The following GALNT15 variants were observed in gnomAD, a reference collection of about 807,000 sequenced individuals.
GALNT15 encodes the protein UDP-GalNAc transferase T15.
Under a neutral mutation model 66.8 loss-of-function variants are expected in GALNT15, and 67 were observed. The ratio of observed to expected loss-of-function variants is 1.00; its 90% CI spans 0.82 to 1.23. The LOEUF is 1.23. Among genes scored for constraint, GALNT15 ranks in the 50% most tolerant of loss-of-function variants. The probability of loss-of-function intolerance (pLI) is 0.00; values close to 1 mark genes in which losing one functional copy is unlikely to be tolerated. For missense variants in GALNT15, 827 were observed against 804.3 expected, an observed-to-expected ratio of 1.03 and a Z score of -0.34; for synonymous variants, 313 against 311.5, an observed-to-expected ratio of 1.00 and a Z score of -0.05.
intron 3 of GALNT15, among the ~76,000 whole-genome samples, chr3:16,206,501 C>T (rs535814876): frequency 1.3e-3 from 196 of 151,602 alleles, no homozygotes; most frequent in African/African-American, 4.5e-3. Context: ...GGTGAAAACC[C>T]GTGTATACTA....
downstream of GALNT15, chr3:16,231,898 T>C: frequency 6.5e-7 from 1 of 1,535,950 alleles, no homozygotes; most frequent in South Asian, 1.2e-5. This position sits in a 1 kb window ranked among gnomAD's most constrained non-coding sequence, Gnocchi z 4.1. Context: ...CATTCAGAGA[T>C]CCTCAAGAAG....
chr3:16,219,493 G>A lies in GALNT15; in HGVS notation c.1483G>A (p.Glu495Lys), dbSNP rs1357763831. Reference sequence around the variant, plus strand: ...CTGGTTTCTGGCTAATGTCTACCCTGAGCTGTACCCATCTGAACCCAGGCC... The same window carrying A: ...CTGGTTTCTGGCTAATGTCTACCCTAAGCTGTACCCATCTGAACCCAGGCC... ...FHWFLANVYP[E>K]LYPSEPRPSF... is the part of the protein sequence containing the mutation. Residue 495 changes from glutamate (E) to lysine (K), a missense_variant, in exon 7 of 10, where the codon GAG becomes AAG. By Grantham distance (56) the Glu-to-Lys change is moderately conservative (BLOSUM62 1). Transcript: ENST00000339732. The surrounding 1 kb of genome is among the most constrained non-coding windows in gnomAD (Gnocchi z 4.3). 2 of 1,614,088 alleles carry A rather than the reference G, an allele frequency of 1.2e-6. No individual in the cohort carries two copies. Among genetic ancestry groups the A allele is most frequent in the African/African-American group, 2.7e-5 (2 of 74,924 alleles).
intron 3 of GALNT15, among the ~76,000 whole-genome samples, chr3:16,207,711 G>A (rs904639251): frequency 2.0e-5 from 3 of 152,028 alleles, no homozygotes; most frequent in Non-Finnish European, 4.4e-5. Flanking sequence ...TACACTACAA[G>A]GAGGAAGAAG....
chr3:16,244,689 T>C, the GALNT15 span, among the ~76,000 whole-genome samples: 2 of 152,230 alleles, frequency 1.3e-5, no homozygotes. Context: ...AGAATCTCAT[T>C]AGAACTTCTG....
chr3:16,184,246 A>T lies in GALNT15; in HGVS notation c.539+8556A>T, dbSNP rs760357070. ...TATTCACCGGATATTTCGTTGAAGCAGAGAAGTTAGCCTCATTATTTAACA... is the reference window on the plus strand; with the variant it reads ...TATTCACCGGATATTTCGTTGAAGCTGAGAAGTTAGCCTCATTATTTAACA... On this transcript the variant is annotated intron_variant, in intron 1 of 9. Transcript: ENST00000339732. This position sits in a 1 kb window ranked among gnomAD's most constrained non-coding sequence, Gnocchi z 5.0. Among the ~76,000 whole-genome samples the T allele has an allele frequency of 5.9e-5, 9 of 152,252 alleles. No homozygotes were observed. The highest frequency in any genetic ancestry group is 6.5e-5 in the Admixed American group (1 of 15,288).
Position 16,175,574 on chromosome 3 carries a change from G to T in GALNT15, c.423G>T (p.Gly141=), listed in dbSNP as rs758215607. The T allele has an allele frequency of 6.2e-7, 1 of 1,613,774 alleles. No homozygotes were observed. Among genetic ancestry groups the T allele is most frequent in the Non-Finnish European group, 8.5e-7 (1 of 1,179,992 alleles). ...PKRDWGADED[G]EVSEEEELTP... is the part of the protein sequence containing the mutation. ...GGGACTGGGGGGCTGATGAGGACGG[G>T]GAGGTGTCTGAAGAAGAGGAGTTGA... Residue 141 remains glycine (G), a synonymous_variant, in exon 1 of 10, where the codon GGG becomes GGT. Coordinates refer to ENST00000339732, the MANE Select transcript of GALNT15 (RefSeq NM_054110.5). This position sits in a 1 kb window ranked among gnomAD's most constrained non-coding sequence, Gnocchi z 5.6.
intron 1 of GALNT15, among the ~76,000 whole-genome samples, chr3:16,177,670 G>T (rs901351782): frequency 1.3e-5 from 2 of 152,222 alleles, no homozygotes; most frequent in African/African-American, 4.8e-5. Flanking sequence ...GTGTATTGGG[G>T]TGATGCCACA....
Position 16,193,426 on chromosome 3 carries a change from G to C in GALNT15, c.540-2334G>C, listed in dbSNP as rs933778171. ...TATTGTGTGTATTTTTTTGTGAGTG[G>C]CTTCAAATCATTTATGGAAATAAAT... On this transcript the variant is annotated intron_variant, in intron 1 of 9. Transcript: ENST00000339732. This position sits in a 1 kb window ranked among gnomAD's most constrained non-coding sequence, Gnocchi z 4.7. Among the ~76,000 whole-genome samples, 2 of 151,938 alleles carry C rather than the reference G, an allele frequency of 1.3e-5. No individual in the cohort carries two copies. Among genetic ancestry groups the C allele is most frequent in the Non-Finnish European group, 2.9e-5 (2 of 68,000 alleles).
At chr3:16,177,288 C>T (rs566255987) in intron 1 of GALNT15, among the ~76,000 whole-genome samples, 2 of 152,078 alleles carry the variant, frequency 1.3e-5, no homozygotes, top group Non-Finnish European at 2.9e-5. Flanking sequence ...CTCTTTTTGC[C>T]GATAAGAAAT....
At chr3:16,207,770 A>G (rs1273530762) in intron 3 of GALNT15, among the ~76,000 whole-genome samples, 1 of 152,110 alleles carries the variant, frequency 6.6e-6, no homozygotes, top group Non-Finnish European at 1.5e-5. Context: ...ATCGTGCACA[A>G]TATTTTTTAT....
In GALNT15 at chr3:16,184,818, C is replaced by T. The variant is rs1559676190; in HGVS notation, c.539+9128C>T. 6.6e-6 allele frequency among the ~76,000 whole-genome samples: 1 copy of T among 152,208 alleles called. No individual in the cohort carries two copies. Among genetic ancestry groups the T allele is most frequent in the Non-Finnish European group, 1.5e-5 (1 of 68,034 alleles). The stretch of plus-strand genomic sequence containing the variant: ...CTCAGCCCTTGGAGACAGTGTAGAA[C>T]ATGCATGCATCTCAGCGCTTCCTAC... On this transcript the variant is annotated intron_variant, in intron 1 of 9. Transcript: ENST00000339732. This position sits in a 1 kb window ranked among gnomAD's most constrained non-coding sequence, Gnocchi z 5.0.
rs2124910135 is a variant in GALNT15, at chr3:16,228,175, A to G, written c.*675A>G. 2 of 986,000 alleles carry G rather than the reference A, an allele frequency of 2.0e-6. No individual in the cohort carries two copies. Among genetic ancestry groups the G allele is most frequent in the Non-Finnish European group, 1.2e-6 (1 of 830,036 alleles). The allele number at this position is 986,000 out of a possible 1,614,324, so 61.1% of individuals were successfully genotyped here. A position where few individuals can be genotyped will look rare whatever the true frequency, so the allele number is the denominator to read the frequency against. Reference sequence around the variant, plus strand: ...TTAATGAGAATTTCCACCATTGTAGAGAATTTCCTTCCTACTGAGAATCTA... The same window carrying G: ...TTAATGAGAATTTCCACCATTGTAGGGAATTTCCTTCCTACTGAGAATCTA... On this transcript the variant is annotated 3_prime_UTR_variant, in exon 10 of 10. Coordinates refer to ENST00000339732, the MANE Select transcript of GALNT15 (RefSeq NM_054110.5).
At chr3:16,226,850 A>G (rs2064025723) in intron 9 of GALNT15, among the ~76,000 whole-genome samples, 1 of 152,236 alleles carries the variant, frequency 6.6e-6, no homozygotes, top group Non-Finnish European at 1.5e-5. Context: ...TCAATATTAA[A>G]TCTGGTGGTT....
At chr3:16,185,491 T>C (rs2063507579) in intron 1 of GALNT15, among the ~76,000 whole-genome samples, 2 of 152,184 alleles carry the variant, frequency 1.3e-5, no homozygotes, top group South Asian at 4.1e-4. Context: ...AAAGTGATTC[T>C]TGCATTGTTC....
At chr3:16,235,542 A>G (rs2064121047), downstream of GALNT15, among the ~76,000 whole-genome samples, 1 of 152,236 alleles carries the variant, frequency 6.6e-6, no homozygotes, top group African/African-American at 2.4e-5. Flanking sequence ...ATGGATTCAA[A>G]CAATTTGATA....
chr3:16,245,778 A>T, the GALNT15 span, among the ~76,000 whole-genome samples: 4 of 152,248 alleles, frequency 2.6e-5, no homozygotes, highest in African/African-American at 7.2e-5. Context: ...AGCCGCAAAC[A>T]GCTCAGGAGG....
chr3:16,190,476 A>G (rs1406804449), intron 1 of GALNT15, among the ~76,000 whole-genome samples: 1 of 152,148 alleles, frequency 6.6e-6, no homozygotes, highest in Non-Finnish European at 1.5e-5. Context: ...GTCTCTACTA[A>G]AAATACAAAA....
At chr3:16,215,426 G>T (rs969111296) in intron 6 of GALNT15, among the ~76,000 whole-genome samples, 1 of 152,128 alleles carries the variant, frequency 6.6e-6, no homozygotes, top group African/African-American at 2.4e-5. Context: ...AGAGAAGTGG[G>T]GAAAGAACCA....
At position 16,191,330 on chromosome 3, in the gene GALNT15, G is replaced by T; in HGVS notation, c.540-4430G>T. The T allele has an allele frequency of 1.0e-6, 1 of 985,266 alleles. No homozygotes were observed. The highest frequency in any genetic ancestry group is 1.2e-6 in the Non-Finnish European group (1 of 829,784). 61.0% of individuals were successfully genotyped at this position (985,266 alleles called of 1,614,324 possible). ...AAGAGCCTGAGAGGTACCTCTTGTA[G>T]TAATGGGACATCTGTTAATAATGGC... On this transcript the variant is annotated intron_variant, in intron 1 of 9. Transcript: ENST00000339732. This position sits in a 1 kb window ranked among gnomAD's most constrained non-coding sequence, Gnocchi z 5.2.
Sources: allele counts gnomAD v4.1 joint callset (sites outside exome capture counted in the v4.1 genomes callset), GRCh38; gene constraint gnomAD v4.1.1; non-coding constraint Gnocchi (gnomAD v3.1); transcripts MANE v1.5; gene names NCBI Gene and HGNC (gene_info 2026-07-23, HGNC 2026-07-21).